The following NKIRAS2 variants were observed in gnomAD, a reference collection of about 807,000 sequenced individuals.
NKIRAS2 encodes the protein NFKB inhibitor interacting Ras like 2.
A neutral mutation model predicts 20.7 loss-of-function variants in NKIRAS2; 15 were observed. That is an observed-to-expected ratio of 0.73 (90% CI 0.49 to 1.12). The LOEUF (loss-of-function observed/expected upper bound fraction) is 1.12. Among genes scored for constraint, NKIRAS2 ranks in the 50% most tolerant of loss-of-function variants. The probability of loss-of-function intolerance (pLI) is 0.00; values close to 1 mark genes in which losing one functional copy is unlikely to be tolerated. For missense variants in NKIRAS2, 196 were observed against 249.6 expected, an observed-to-expected ratio of 0.79 and a Z score of 1.45; for synonymous variants, 116 against 101.4, an observed-to-expected ratio of 1.14 and a Z score of -0.87.
chr17:42,017,831 AC>A (rs782648817), upstream of NKIRAS2, among the ~76,000 whole-genome samples: 18 of 152,190 alleles, frequency 1.2e-4, no homozygotes, highest in Admixed American at 3.3e-4. Context: ...AGGAGTCCCC[AC>A]TGCTACCTTT....
rs781878749 is a variant in NKIRAS2 at position 42,022,456 on chromosome 17, G to A, written c.152G>A (p.Arg51Gln). The A allele has an allele frequency of 4.3e-6, 7 of 1,609,418 alleles. No homozygotes were observed. The highest frequency in any genetic ancestry group is 1.1e-5 in the South Asian group (1 of 90,896). Residue 51 changes from arginine (R) to glutamine (Q), a missense_variant, in exon 3 of 4, where the codon CGG becomes CAG. Coordinates refer to ENST00000393885, the MANE Select transcript of NKIRAS2 (RefSeq NM_017595.6). ...TACGTGGGCTCCATTGAGACAGACC[G>A]GGGGGTGCGAGAGCAGGTGCGTTTC... Reference protein sequence around the residue: ...DIYVGSIETDRGVREQVRFYD... With the variant: ...DIYVGSIETDQGVREQVRFYD...
At chr17:42,021,705 G>A in intron 2 of NKIRAS2, 34 bp downstream of exon 2, 1 of 1,582,538 alleles carries the variant, frequency 6.3e-7, no homozygotes. Context: ...AACAGTGGAA[G>A]AAGTTGAAAA....
upstream of NKIRAS2, among the ~76,000 whole-genome samples, chr17:42,018,270 C>T (rs928391539): frequency 5.3e-5 from 8 of 152,118 alleles, no homozygotes; most frequent in African/African-American, 1.7e-4. Flanking sequence ...GGGACAAGGG[C>T]ACAGTTTAAC....
rs2052557292 is a variant in NKIRAS2, at chr17:42,025,603, A to C, written c.*1710A>C. ...GGGCTTCAAGTTCATTTATTGATGCATTGGTTGGACACAATAAAACCACAA... is the reference window on the plus strand; with the variant it reads ...GGGCTTCAAGTTCATTTATTGATGCCTTGGTTGGACACAATAAAACCACAA... On this transcript the variant is annotated 3_prime_UTR_variant, in exon 4 of 4. Transcript: ENST00000393885. 1 of 152,556 alleles carries C rather than the reference A, an allele frequency of 6.6e-6. No individual in the cohort carries two copies. The highest frequency in any genetic ancestry group is 1.5e-5 in the Non-Finnish European group (1 of 68,028). The allele number at this position is 152,556 out of a possible 1,614,324, so 9.5% of individuals were successfully genotyped here. A position where few individuals can be genotyped will look rare whatever the true frequency, so the allele number is the denominator to read the frequency against.
At chr17:42,022,085 T>A (rs1318646962) in intron 2 of NKIRAS2, 1 of 433,632 alleles carries the variant, frequency 2.3e-6, no homozygotes, top group African/African-American at 2.0e-5. Context: ...GGCACATGCC[T>A]GTAATCCCAG....
At chr17:42,018,993 A>G (rs1339589933), upstream of NKIRAS2, among the ~76,000 whole-genome samples, 2 of 152,236 alleles carry the variant, frequency 1.3e-5, no homozygotes, top group Non-Finnish European at 2.9e-5. Flanking sequence ...TGTTAAATGG[A>G]TTAAACCATT....
At chr17:42,021,542 C>T in intron 1 of NKIRAS2, 22 bp from the exon 2 acceptor site, 1 of 1,590,592 alleles carries the variant, frequency 6.3e-7, no homozygotes. Flanking sequence ...TCACCTTACC[C>T]AGCGTGCTTC....
Position 42,022,610 on chromosome 17 carries a change from G to A in NKIRAS2, c.306G>A (p.Lys102=). 1.2e-6 allele frequency: 2 copies of A among 1,613,754 alleles called. No individual in the cohort carries two copies. Among genetic ancestry groups the A allele is most frequent in the East Asian group, 4.5e-5 (2 of 44,868 alleles). Reference sequence around the variant, plus strand: ...TTCAGCGTGTGGAGCTGCTCAAGAAGGAGATTGACAAATCCAAGGACAAGA... The same window carrying A: ...TTCAGCGTGTGGAGCTGCTCAAGAAAGAGATTGACAAATCCAAGGACAAGA... ...ESFQRVELLK[K]EIDKSKDKKE... is the part of the protein sequence containing the mutation. The change falls in exon 3 of 4, where the codon AAG becomes AAA. Residue 102 remains lysine (K), a synonymous_variant. Transcript: ENST00000393885.
intron 2 of NKIRAS2, 133 bp from the exon 3 acceptor site, chr17:42,022,266 C>A: frequency 2.3e-6 from 2 of 869,688 alleles, no homozygotes; most frequent in Non-Finnish European, 3.5e-6. Flanking sequence ...TCAGTCCTGC[C>A]AGGCTGTCAA....
Position 42,023,943 on chromosome 17 carries a change from G to T in NKIRAS2, c.*50G>T. The T allele has an allele frequency of 6.3e-7, 1 of 1,597,498 alleles. No individual in the cohort carries two copies. The highest frequency in any genetic ancestry group is 8.5e-7 in the Non-Finnish European group (1 of 1,171,370). On this transcript the variant is annotated 3_prime_UTR_variant, in exon 4 of 4. Coordinates refer to ENST00000393885, the MANE Select transcript of NKIRAS2 (RefSeq NM_017595.6). ...TCCCAGCCCCATTTCAGTGTCTGGG[G>T]CTCTGGTAGATGTGTTGAGGGCAAA...
At position 42,025,597 on chromosome 17, in the gene NKIRAS2, T is replaced by C. The variant is rs560460733; in HGVS notation, c.*1704T>C. ...AGGCTTGGGCTTCAAGTTCATTTAT[T>C]GATGCATTGGTTGGACACAATAAAA... On this transcript the variant is annotated 3_prime_UTR_variant, in exon 4 of 4. Transcript: ENST00000393885. 1 of 152,546 alleles carries C rather than the reference T, an allele frequency of 6.6e-6. No individual in the cohort carries two copies. The highest frequency in any genetic ancestry group is 1.5e-5 in the Non-Finnish European group (1 of 68,032). 9.4% of individuals were successfully genotyped at this position (152,546 alleles called of 1,614,324 possible). A position where few individuals can be genotyped will look rare whatever the true frequency, so the allele number is the denominator to read the frequency against.
chr17:42,018,212 C>T (rs1226572383), upstream of NKIRAS2, among the ~76,000 whole-genome samples: 1 of 152,136 alleles, frequency 6.6e-6, no homozygotes, highest in Non-Finnish European at 1.5e-5. Flanking sequence ...AAACTCTCTA[C>T]TCATCACGCT....
chr17:42,022,356 C>T, intron 2 of NKIRAS2, 43 bp from the exon 3 acceptor site: 1 of 1,536,464 alleles, frequency 6.5e-7, no homozygotes, highest in Non-Finnish European at 8.8e-7. Context: ...TCACATTTCC[C>T]ATCTCTCTCT....
In NKIRAS2 at chr17:42,022,650, A is replaced by T; in HGVS notation, c.336+10A>T. 1 of 1,607,204 alleles carries T rather than the reference A, an allele frequency of 6.2e-7. No individual in the cohort carries two copies. Among genetic ancestry groups the T allele is most frequent in the Non-Finnish European group, 8.5e-7 (1 of 1,174,526 alleles). On this transcript the variant is annotated intron_variant, in intron 3 of 3. Transcript: ENST00000393885. ...CAAGGACAAGAAGGAGGTGTGTGGCATAGGCTTCTGGTGGGAGCCTCAGTG... is the reference window on the plus strand; with the variant it reads ...CAAGGACAAGAAGGAGGTGTGTGGCTTAGGCTTCTGGTGGGAGCCTCAGTG...
intron 1 of NKIRAS2, 123 bp from the exon 2 acceptor site, chr17:42,021,441 G>T (rs1165736686): frequency 5.4e-6 from 4 of 738,846 alleles, no homozygotes; most frequent in African/African-American, 1.7e-5. Context: ...TCTCAGTTAT[G>T]GACGTTCTGC....
chr17:42,017,920 C>G (rs1555652277), upstream of NKIRAS2, among the ~76,000 whole-genome samples: 1 of 152,128 alleles, frequency 6.6e-6, no homozygotes, highest in Admixed American at 6.5e-5. Context: ...CAGCTTTCAT[C>G]GTTCTCTGGA....
upstream of NKIRAS2, chr17:42,017,640 G>C: frequency 1.7e-6 from 1 of 593,576 alleles, no homozygotes; most frequent in Non-Finnish European, 3.0e-6. Context: ...CGTAGGCGGC[G>C]CCACTTTACC....
At chr17:42,021,388 GGAACTATACATTCAGTTTA>G (rs1180651962) in intron 1 of NKIRAS2, 157 bp from the exon 2 acceptor site, 71 of 580,058 alleles carry the variant, frequency 1.2e-4, no homozygotes, top group Middle Eastern at 2.7e-4. Context: ...CTGAAACCCT[GGAACTATACATTCAGTTTA>G]GAACTATACA....
In NKIRAS2 at chr17:42,021,257, A is replaced by C. The variant is rs535515511; in HGVS notation, c.-14-307A>C. On this transcript the variant is annotated intron_variant, in intron 1 of 3. Transcript: ENST00000393885. ...TCCCTTTATGGCAGCATTTCCAAGC[A>C]CCTGCCCTGTGACAGATACTGGCTA... 1.8e-5 allele frequency: 5 copies of C among 282,658 alleles called. No individual in the cohort carries two copies. The East Asian group carries it at 3.8e-4, about 22-fold the overall frequency. 17.5% of individuals were successfully genotyped at this position (282,658 alleles called of 1,614,324 possible).
Sources: gnomAD v4.1 joint callset for allele counts (sites outside exome capture counted in the v4.1 genomes callset) on GRCh38, gnomAD v4.1.1 for gene constraint, MANE v1.5 for transcripts, NCBI Gene and HGNC (gene_info 2026-07-23, HGNC 2026-07-21) for gene names.